The following ACSS3 variants were observed in gnomAD, a reference collection of about 807,000 sequenced individuals.
ACSS3 encodes the protein acyl-CoA synthetase short-chain family member 3, mitochondrial.
A neutral mutation model predicts 84.2 loss-of-function variants in ACSS3; 64 were observed. The observed-to-expected ratio is 0.76, with a 90% confidence interval of 0.62 to 0.94. The LOEUF (loss-of-function observed/expected upper bound fraction) is 0.94, where lower values mean the gene tolerates loss of function less well. Ranked by LOEUF, ACSS3 falls within the 40% of genes least tolerant of loss-of-function variation. The pLI is 0.00. For missense variants in ACSS3, 815 were observed against 867.6 expected (o/e 0.94, Z 0.76); for synonymous variants, 317 against 310.1 (o/e 1.02, Z -0.23).
chr12:81,183,363 A>G (rs553405675), intron 8 of ACSS3, among the ~76,000 whole-genome samples: 8 of 152,208 alleles, frequency 5.3e-5, no homozygotes, highest in Non-Finnish European at 1.2e-4. Flanking sequence ...CACTACAGAA[A>G]TTATCAAATA....
chr12:81,162,034 CCTT>C (rs1470528593), intron 7 of ACSS3, among the ~76,000 whole-genome samples: 2 of 152,174 alleles, frequency 1.3e-5, no homozygotes, highest in Non-Finnish European at 2.9e-5. Context: ...GCCCTTCTCT[CCTT>C]CTTGTCACCC....
intron 1 of ACSS3, among the ~76,000 whole-genome samples, chr12:81,092,077 T>G (rs1284362118): frequency 6.6e-6 from 1 of 150,614 alleles, no homozygotes; most frequent in African/African-American, 2.5e-5. Context: ...AAACGAGCTG[T>G]GCATACATAA....
At chr12:81,112,805 T>C (rs1287139773) in intron 2 of ACSS3, among the ~76,000 whole-genome samples, 1 of 152,190 alleles carries the variant, frequency 6.6e-6, no homozygotes, top group Non-Finnish European at 1.5e-5. Flanking sequence ...GTTTCATTTC[T>C]ACCAGAAGTT....
At chr12:81,232,245 G>C (rs1279275374) in intron 12 of ACSS3, among the ~76,000 whole-genome samples, 1 of 151,692 alleles carries the variant, frequency 6.6e-6, no homozygotes, top group East Asian at 2.0e-4. Context: ...AATGATATGT[G>C]CATGTGGTAT....
intron 13 of ACSS3, among the ~76,000 whole-genome samples, chr12:81,247,869 A>C (rs1279137101): frequency 1.3e-5 from 2 of 152,106 alleles, no homozygotes; most frequent in Non-Finnish European, 2.9e-5. Flanking sequence ...ACCATATTCC[A>C]CTTTAACTTT....
At position 81,109,712 on chromosome 12, in the gene ACSS3, C is replaced by A. The variant is rs1286339378; in HGVS notation, c.456+8C>A. On this transcript the variant is annotated splice_region_variant and intron_variant, in intron 2 of 15. Transcript: ENST00000548058. ...AAAGAAGTTCTGGAGCAGGTAATATCATAAACTTTATATATGTATATATGA... is the reference window on the plus strand; with the variant it reads ...AAAGAAGTTCTGGAGCAGGTAATATAATAAACTTTATATATGTATATATGA... The A allele has an allele frequency of 6.3e-7, 1 of 1,579,602 alleles. No individual in the cohort carries two copies. Among genetic ancestry groups the A allele is most frequent in the Non-Finnish European group, 8.6e-7 (1 of 1,165,712 alleles).
chr12:81,142,137 C>A (rs138856678), intron 4 of ACSS3, among the ~76,000 whole-genome samples: 1 of 152,234 alleles, frequency 6.6e-6, no homozygotes, highest in African/African-American at 2.4e-5. Context: ...GGGCTTATCT[C>A]AGGAATCACT....
chr12:81,242,876 C>T (rs370697632), intron 13 of ACSS3, among the ~76,000 whole-genome samples: 2 of 151,970 alleles, frequency 1.3e-5, no homozygotes, highest in African/African-American at 4.8e-5. Context: ...ATAAGAGCTA[C>T]CTATGACAAA....
chr12:81,202,588 T>A (rs1229719544), intron 9 of ACSS3, among the ~76,000 whole-genome samples: 1 of 152,162 alleles, frequency 6.6e-6, no homozygotes, highest in Non-Finnish European at 1.5e-5. Flanking sequence ...TCAAGTTTTC[T>A]ACAGGGTCCC....
At chr12:81,137,320 A>ATC (rs1885856283) in intron 3 of ACSS3, among the ~76,000 whole-genome samples, 3 of 112,114 alleles carry the variant, frequency 2.7e-5, no homozygotes, top group South Asian at 5.6e-4. Context: ...ATTTTCATCC[A>ATC]TCACACACAC....
intron 9 of ACSS3, among the ~76,000 whole-genome samples, chr12:81,215,546 C>A (rs1472871766): frequency 6.6e-6 from 1 of 151,988 alleles, no homozygotes; most frequent in Non-Finnish European, 1.5e-5. Flanking sequence ...ATGGTAGAGC[C>A]CATGGTAGAA....
intron 8 of ACSS3, among the ~76,000 whole-genome samples, chr12:81,184,348 C>A (rs1417252375): frequency 6.6e-6 from 1 of 151,542 alleles, no homozygotes; most frequent in East Asian, 1.9e-4. Context: ...GAAGAAAGAC[C>A]CCAAATAAAT....
At chr12:81,089,000 A>G (rs1007302777) in intron 1 of ACSS3, among the ~76,000 whole-genome samples, 45 of 151,996 alleles carry the variant, frequency 3.0e-4, no homozygotes, top group Non-Finnish European at 4.0e-4. Context: ...CAGCTTCTTT[A>G]GAAATGTTTC....
intron 5 of ACSS3, among the ~76,000 whole-genome samples, chr12:81,145,671 G>C (rs183842823): frequency 5.3e-5 from 8 of 152,300 alleles, no homozygotes; most frequent in Admixed American, 5.2e-4. Flanking sequence ...ACATATGAGG[G>C]TGCTTTTGAA....
chr12:81,157,700 G>A (rs1002453710), intron 7 of ACSS3, among the ~76,000 whole-genome samples: 1 of 151,894 alleles, frequency 6.6e-6, no homozygotes, highest in Admixed American at 6.6e-5. Context: ...CCAGCTACTC[G>A]GGAGGCTGAG....
Position 81,152,010 on chromosome 12 carries a change from G to T in ACSS3, c.1012G>T (p.Ala338Ser). The T allele has an allele frequency of 6.2e-7, 1 of 1,613,404 alleles. No individual in the cohort carries two copies. Among genetic ancestry groups the T allele is most frequent in the Non-Finnish European group, 8.5e-7 (1 of 1,179,706 alleles). The change falls in exon 7 of 16, where the codon GCA becomes TCA. Residue 338 changes from alanine (A) to serine (S), a missense_variant. Transcript: ENST00000548058. ...YGLQPGEVWW[A>S]ASDLGWVVGH... The stretch of plus-strand genomic sequence containing the variant: ...TTATCTTATTTTTTAGGTGTGGTGG[G>T]CAGCTTCTGACTTAGGCTGGGTTGT...
intron 3 of ACSS3, among the ~76,000 whole-genome samples, chr12:81,136,196 C>T (rs1173209339): frequency 6.6e-6 from 1 of 152,094 alleles, no homozygotes; most frequent in African/African-American, 2.4e-5. Flanking sequence ...AGCACACTGT[C>T]TGGCATATAG....
At chr12:81,117,717 T>G (rs1884166626) in intron 2 of ACSS3, among the ~76,000 whole-genome samples, 1 of 152,132 alleles carries the variant, frequency 6.6e-6, no homozygotes, top group Admixed American at 6.6e-5. Flanking sequence ...CTTTGGCATC[T>G]CTGAAGATGA....
intron 7 of ACSS3, among the ~76,000 whole-genome samples, chr12:81,161,987 G>A (rs1887176392): frequency 6.6e-6 from 1 of 152,192 alleles, no homozygotes; most frequent in South Asian, 2.1e-4. Context: ...GCCCTGGCTT[G>A]GGGAGCCCCC....
Sources: allele counts gnomAD v4.1 joint callset (sites outside exome capture counted in the v4.1 genomes callset), GRCh38; gene constraint gnomAD v4.1.1; transcripts MANE v1.5; gene names NCBI Gene and HGNC (gene_info 2026-07-23, HGNC 2026-07-21).